The following MAF variants were observed in gnomAD, a reference collection of about 807,000 sequenced individuals.
MAF encodes MAF bZIP transcription factor.
MAF carries 10 observed loss-of-function variants against 22.0 expected under a neutral mutation model. The ratio of observed to expected loss-of-function variants is 0.45; its 90% CI spans 0.28 to 0.77. MAF has a LOEUF of 0.77. MAF is among the 30% of genes least tolerant of loss of function. The pLI, the probability that MAF is intolerant of heterozygous loss-of-function variation, is 0.12. For missense variants in MAF, 544 were observed against 548.4 expected, an observed-to-expected ratio of 0.99 and a Z score of 0.08; for synonymous variants, 337 against 255.8, an observed-to-expected ratio of 1.32 and a Z score of -3.03.
At chr16:79,346,158 C>G in the MAF span, among the ~76,000 whole-genome samples, 1 of 151,710 alleles carries the variant, frequency 6.6e-6, no homozygotes, top group African/African-American at 2.4e-5. Context: ...AGGTGTATCT[C>G]CTAATGCTAT....
chr16:79,386,277 C>G, the MAF span, among the ~76,000 whole-genome samples: 1 of 152,142 alleles, frequency 6.6e-6, no homozygotes, highest in South Asian at 2.1e-4. Context: ...TCAGTGGGAG[C>G]CTTGAGCTTG....
chr16:79,536,949 T>C, the MAF span, among the ~76,000 whole-genome samples: 2 of 152,176 alleles, frequency 1.3e-5, no homozygotes, highest in Non-Finnish European at 2.9e-5. Flanking sequence ...TACTGAGGGA[T>C]GACTATTTCA....
chr16:79,441,388 A>C, the MAF span, among the ~76,000 whole-genome samples: 6 of 152,338 alleles, frequency 3.9e-5, no homozygotes, highest in South Asian at 1.2e-3. Context: ...TTTTCTATAA[A>C]GGCTCAGATA....
the MAF span, among the ~76,000 whole-genome samples, chr16:79,230,948 A>G: frequency 0.072 from 11,003 of 152,208 alleles, 599 homozygotes; most frequent in Middle Eastern, 0.16. Flanking sequence ...TGCCCAAAAT[A>G]TACGGATATC....
At chr16:79,592,246 C>T (rs1355830859), downstream of MAF, among the ~76,000 whole-genome samples, 1 of 152,170 alleles carries the variant, frequency 6.6e-6, no homozygotes, top group Non-Finnish European at 1.5e-5. Context: ...GGTAAAGATG[C>T]TCCCAATTTG....
chr16:79,272,994 A>G, the MAF span, among the ~76,000 whole-genome samples: 1 of 152,244 alleles, frequency 6.6e-6, no homozygotes, highest in African/African-American at 2.4e-5. Context: ...ACTCTAAATT[A>G]TAAAATACAG....
At chr16:79,361,091 A>C in the MAF span, among the ~76,000 whole-genome samples, 11 of 152,186 alleles carry the variant, frequency 7.2e-5, no homozygotes, top group Non-Finnish European at 1.3e-4. Flanking sequence ...AAATCACACT[A>C]TTCACCTTCA....
At chr16:79,221,236 G>C in the MAF span, among the ~76,000 whole-genome samples, 1 of 152,288 alleles carries the variant, frequency 6.6e-6, no homozygotes, top group East Asian at 1.9e-4. Flanking sequence ...GCCTAGATTT[G>C]AAGGACTTTA....
the MAF span, among the ~76,000 whole-genome samples, chr16:79,414,501 C>A: frequency 1.3e-5 from 2 of 152,194 alleles, no homozygotes; most frequent in Admixed American, 1.3e-4. Context: ...CATGAGGGAT[C>A]TGCCTCCAGG....
chr16:79,222,188 T>TTA, the MAF span, among the ~76,000 whole-genome samples: 1 of 152,098 alleles, frequency 6.6e-6, no homozygotes, highest in African/African-American at 2.4e-5. Flanking sequence ...ATTTTCAACA[T>TTA]TATTAAAGAA....
chr16:79,510,265 G>C, the MAF span, among the ~76,000 whole-genome samples: 1 of 152,190 alleles, frequency 6.6e-6, no homozygotes, highest in African/African-American at 2.4e-5. Flanking sequence ...ACATATATTT[G>C]CCTCCTCTTG....
chr16:79,430,004 G>A, the MAF span, among the ~76,000 whole-genome samples: 2 of 152,120 alleles, frequency 1.3e-5, no homozygotes, highest in African/African-American at 2.4e-5. Context: ...CTTCTACCCT[G>A]GAGTTCTGGG....
the MAF span, among the ~76,000 whole-genome samples, chr16:79,573,755 C>T: frequency 6.6e-6 from 1 of 152,160 alleles, no homozygotes; most frequent in Non-Finnish European, 1.5e-5. Flanking sequence ...TAAGTAATAG[C>T]ACTAGTGCAG....
At chr16:79,536,469 C>T in the MAF span, among the ~76,000 whole-genome samples, 3 of 152,080 alleles carry the variant, frequency 2.0e-5, no homozygotes, top group Non-Finnish European at 4.4e-5. Flanking sequence ...ATGGTGAAAC[C>T]CCATCTCTAC....
chr16:79,488,469 A>G, the MAF span, among the ~76,000 whole-genome samples: 3 of 152,062 alleles, frequency 2.0e-5, no homozygotes, highest in South Asian at 6.2e-4. Context: ...TAATCACTCT[A>G]TGTAAATGGA....
At chr16:79,230,302 T>C in the MAF span, among the ~76,000 whole-genome samples, 2 of 152,096 alleles carry the variant, frequency 1.3e-5, no homozygotes, top group African/African-American at 4.8e-5. Flanking sequence ...CTTCTGTGGG[T>C]GCCTCCAGCA....
At chr16:79,230,175 A>G in the MAF span, among the ~76,000 whole-genome samples, 1 of 152,076 alleles carries the variant, frequency 6.6e-6, no homozygotes, top group Non-Finnish European at 1.5e-5. Context: ...TTACACAGTT[A>G]ACTTTCTGGA....
the MAF span, among the ~76,000 whole-genome samples, chr16:79,562,694 A>G: frequency 6.6e-6 from 1 of 152,026 alleles, no homozygotes; most frequent in Non-Finnish European, 1.5e-5. Flanking sequence ...TTAATCCCCC[A>G]TGCTTTGGAG....
the MAF span, among the ~76,000 whole-genome samples, chr16:79,477,342 A>G: frequency 1.3e-5 from 2 of 152,182 alleles, no homozygotes; most frequent in Non-Finnish European, 2.9e-5. Context: ...AGAGAAATTG[A>G]AGTGGCTGTT....
Sources: gnomAD v4.1 joint callset for allele counts (sites outside exome capture counted in the v4.1 genomes callset) on GRCh38, gnomAD v4.1.1 for gene constraint, MANE v1.5 for transcripts, NCBI Gene and HGNC (gene_info 2026-07-23, HGNC 2026-07-21) for gene names.